The following LPCAT1 variants were observed in gnomAD, a reference collection of about 807,000 sequenced individuals.
The protein encoded by LPCAT1 is 1-acylglycerol-3-phosphate O-acyltransferase.
A neutral mutation model predicts 60.9 loss-of-function variants in LPCAT1; 23 were observed. The observed-to-expected ratio is 0.38, with a 90% CI of 0.27 to 0.53. The LOEUF is 0.53. Among genes scored for constraint, LPCAT1 ranks in the 20% least tolerant of loss-of-function variants. The pLI is 0.82. For missense variants in LPCAT1, 622 were observed against 723.6 expected (o/e 0.86, Z 1.61); for synonymous variants, 340 against 301.1 (o/e 1.13, Z -1.34).
chr5:1,482,320 A>T (rs1048947332), intron 6 of LPCAT1, among the ~76,000 whole-genome samples: 1 of 140,466 alleles, frequency 7.1e-6, no homozygotes, highest in African/African-American at 2.6e-5. Flanking sequence ...TGGAACCGGA[A>T]GTATTCTGAG....
At chr5:1,499,798 C>T (rs1355287947) in intron 2 of LPCAT1, among the ~76,000 whole-genome samples, 2 of 152,204 alleles carry the variant, frequency 1.3e-5, no homozygotes, top group African/African-American at 2.4e-5. Flanking sequence ...CCTAAGTGGC[C>T]GTCTTCCCCC....
At chr5:1,465,603 A>G (rs1260444786) in intron 13 of LPCAT1, among the ~76,000 whole-genome samples, 2 of 151,706 alleles carry the variant, frequency 1.3e-5, no homozygotes, top group African/African-American at 4.8e-5. Context: ...GCACGGTACT[A>G]AACACGTGCG....
chr5:1,509,289 G>A lies in LPCAT1; in HGVS notation c.136-7686C>T, dbSNP rs578033044. The stretch of plus-strand genomic sequence containing the variant: ...CTCACAGGAATGCTCCCTCCTGAAG[G>A]TGCATCCCAACATTGCTGCTTTAAT... On this transcript the variant is annotated intron_variant, in intron 1 of 13. Transcript: ENST00000283415. 4.6e-5 allele frequency among the ~76,000 whole-genome samples: 7 copies of A among 152,374 alleles called. No homozygotes were observed. In the South Asian group the frequency reaches 1.2e-3, roughly 27 times the overall value.
rs1309409887 is a variant in LPCAT1, at chr5:1,481,573, G to A, written c.727-597C>T. On this transcript the variant is annotated intron_variant, in intron 6 of 13. Transcript: ENST00000283415. This position sits in a 1 kb window ranked among gnomAD's most constrained non-coding sequence, Gnocchi z 7.8. ...ACCGTCACCCTGGGGTGGACCTTCT[G>A]CTCCCCTGACGGCTAAGCTAGTGCT... Among the ~76,000 whole-genome samples the A allele has an allele frequency of 6.6e-6, 1 of 152,268 alleles. No individual in the cohort carries two copies. The highest frequency in any genetic ancestry group is 1.5e-5 in the Non-Finnish European group (1 of 68,050).
chr5:1,485,457 G>A (rs1017664203), intron 5 of LPCAT1, among the ~76,000 whole-genome samples: 1 of 152,218 alleles, frequency 6.6e-6, no homozygotes, highest in Non-Finnish European at 1.5e-5. Flanking sequence ...GAACAAGGCA[G>A]AGGGGAGGAG....
chr5:1,509,195 G>A (rs565819655), intron 1 of LPCAT1, among the ~76,000 whole-genome samples: 10 of 152,388 alleles, frequency 6.6e-5, no homozygotes, highest in South Asian at 2.1e-4. Flanking sequence ...GCGTCATCCC[G>A]CACAGGCGGC....
intron 10 of LPCAT1, 104 bp from the exon 11 acceptor site, chr5:1,474,214 A>G: frequency 7.9e-7 from 1 of 1,262,598 alleles, no homozygotes; most frequent in Non-Finnish European, 1.1e-6. Flanking sequence ...TGACAGAAGT[A>G]GCAGCAAGCT....
chr5:1,496,965 A>T lies in LPCAT1; in HGVS notation c.279-2051T>A, dbSNP rs1342916039. On this transcript the variant is annotated intron_variant, in intron 2 of 13. Transcript: ENST00000283415. This position sits in a 1 kb window ranked among gnomAD's most constrained non-coding sequence, Gnocchi z 4.7. ...ATACACAGGAGCGGGGATCTCCATC[A>T]GCACCCCCAGGAAATCCACTCCGTC... 6.6e-6 allele frequency among the ~76,000 whole-genome samples: 1 copy of T among 152,196 alleles called. No homozygotes were observed. Among genetic ancestry groups the T allele is most frequent in the Non-Finnish European group, 1.5e-5 (1 of 68,034 alleles).
rs1735150267 is a variant in LPCAT1, at chr5:1,481,717, C to G, written c.727-741G>C. ...TGTTGTCCTCGGGTTGACTTTTTTGCCCACAGGAGTTGCACTGGGGCATGG... is the reference window on the plus strand; with the variant it reads ...TGTTGTCCTCGGGTTGACTTTTTTGGCCACAGGAGTTGCACTGGGGCATGG... On this transcript the variant is annotated intron_variant, in intron 6 of 13. Coordinates refer to ENST00000283415, the MANE Select transcript of LPCAT1 (RefSeq NM_024830.5). This position sits in a 1 kb window ranked among gnomAD's most constrained non-coding sequence, Gnocchi z 7.8. Among the ~76,000 whole-genome samples the G allele has an allele frequency of 6.6e-6, 1 of 152,248 alleles. No individual in the cohort carries two copies. The highest frequency in any genetic ancestry group is 2.4e-5 in the African/African-American group (1 of 41,456).
At chr5:1,510,998 C>G (rs1057178993) in intron 1 of LPCAT1, 7 of 152,314 alleles carry the variant, frequency 4.6e-5, no homozygotes, top group Admixed American at 3.3e-4. Context: ...TTTCTGGAAA[C>G]AGCCATGGGG....
intron 1 of LPCAT1, among the ~76,000 whole-genome samples, chr5:1,503,610 G>A (rs369787101): frequency 1.3e-5 from 2 of 152,304 alleles, no homozygotes; most frequent in South Asian, 2.1e-4. Flanking sequence ...GCGCCTGTCC[G>A]CTCCTGTCAC....
At chr5:1,512,874 G>A (rs887193862) in intron 1 of LPCAT1, among the ~76,000 whole-genome samples, 4 of 152,258 alleles carry the variant, frequency 2.6e-5, no homozygotes, top group African/African-American at 9.6e-5. Flanking sequence ...GACAAATGGT[G>A]TCCAGGTGCA....
chr5:1,475,756 G>A (rs1460726118), intron 9 of LPCAT1, among the ~76,000 whole-genome samples: 2 of 151,746 alleles, frequency 1.3e-5, no homozygotes, highest in Non-Finnish European at 2.9e-5. Flanking sequence ...GCACGGCCCC[G>A]CCCAGGCCCA....
intron 1 of LPCAT1, among the ~76,000 whole-genome samples, chr5:1,517,768 G>A (rs538016591): frequency 5.9e-5 from 9 of 152,250 alleles, no homozygotes; most frequent in South Asian, 2.1e-4. Flanking sequence ...ACTACAGTTC[G>A]TCTAGGAACA....
intron 9 of LPCAT1, among the ~76,000 whole-genome samples, chr5:1,474,971 C>T (rs1254255889): frequency 2.0e-5 from 3 of 152,238 alleles, no homozygotes; most frequent in South Asian, 2.1e-4. Context: ...CAACATGTGA[C>T]GTGGAGACAC....
intron 1 of LPCAT1, among the ~76,000 whole-genome samples, chr5:1,510,582 G>C (rs924762330): frequency 2.6e-5 from 4 of 152,220 alleles, no homozygotes; most frequent in African/African-American, 9.6e-5. Context: ...TGTTGAATGG[G>C]ATCAAAGCCA....
Position 1,522,568 on chromosome 5 carries a change from C to A in LPCAT1, c.135+1142G>T, listed in dbSNP as rs2126631930. 6.6e-6 allele frequency among the ~76,000 whole-genome samples: 1 copy of A among 152,300 alleles called. No individual in the cohort carries two copies. Among genetic ancestry groups the A allele is most frequent in the Admixed American group, 6.5e-5 (1 of 15,304 alleles). ...CCGTCCCCTTCCATACCCTGAGGAC[C>A]AGCCGCATCAAGGGGCTTTGAGCAA... On this transcript the variant is annotated intron_variant, in intron 1 of 13. Coordinates refer to ENST00000283415, the MANE Select transcript of LPCAT1 (RefSeq NM_024830.5). This position sits in a 1 kb window ranked among gnomAD's most constrained non-coding sequence, Gnocchi z 6.8.
chr5:1,504,488 G>A (rs564353546), intron 1 of LPCAT1, among the ~76,000 whole-genome samples: 2,483 of 152,284 alleles, frequency 0.016, 24 homozygotes, highest in Middle Eastern at 0.041. Flanking sequence ...AGGCCAAGGT[G>A]GGAGGATCGC....
chr5:1,465,630 G>T (rs1022222653), intron 13 of LPCAT1, among the ~76,000 whole-genome samples: 1 of 149,320 alleles, frequency 6.7e-6, no homozygotes, highest in African/African-American at 2.5e-5. Context: ...CACAAAACAA[G>T]CACAAGAGCA....
Sources: gnomAD v4.1 joint callset for allele counts (sites outside exome capture counted in the v4.1 genomes callset) on GRCh38, gnomAD v4.1.1 for gene constraint, Gnocchi (gnomAD v3.1) non-coding constraint, MANE v1.5 for transcripts, NCBI Gene and HGNC (gene_info 2026-07-23, HGNC 2026-07-21) for gene names.